Variants in CHD2 observed in about 807,000 individuals in gnomAD.
CHD2 encodes ATP-dependent chromatin remodeler CHD2.
Under a neutral mutation model 243.9 loss-of-function variants are expected in CHD2, and 28 were observed. The observed-to-expected ratio is 0.11, with a 90% CI of 0.09 to 0.16. The LOEUF is 0.16. CHD2 is among the 10% of genes least tolerant of loss of function. The pLI is 1.00. For missense variants in CHD2, 1,386 were observed against 2,209.8 expected (o/e 0.63, Z 7.47); for synonymous variants, 775 against 779.0 (o/e 0.99, Z 0.09).
At position 93,009,238 on chromosome 15, in the gene CHD2, C is replaced by G. The variant is rs764680752; in HGVS notation, c.4507C>G (p.Arg1503Gly). Residue 1503 changes from arginine (R) to glycine (G), a missense_variant, in exon 35 of 39, where the codon CGG (arginine) becomes GGG (glycine). By Grantham distance (125) the Arg-to-Gly change is moderately radical. Transcript: ENST00000394196. ...LNVQEQLEHT[R>G]NCLLKIGDRI... ...CGTGCAAGAACAGCTGGAACACACC[C>G]GGAACTGCCTGCTGAAAATCGGAGA... 1.2e-6 allele frequency: 2 copies of G among 1,614,064 alleles called. No homozygotes were observed. The highest frequency in any genetic ancestry group is 1.7e-5 in the Admixed American group (1 of 59,998).
At chr15:92,959,483 CTG>C (rs1004831142) in intron 16 of CHD2, among the ~76,000 whole-genome samples, 5 of 151,948 alleles carry the variant, frequency 3.3e-5, no homozygotes, top group Non-Finnish European at 7.4e-5. Context: ...TAGCTTTCGA[CTG>C]TTTTTTTATT....
chr15:92,949,317 T>G (rs2053520070), intron 13 of CHD2: 9 of 1,074,258 alleles, frequency 8.4e-6, no homozygotes, highest in Non-Finnish European at 1.1e-5. Context: ...TGGTGGGTAA[T>G]TTGTCATAGC....
chr15:92,989,877 C>T (rs17610452), intron 26 of CHD2, among the ~76,000 whole-genome samples: 13,032 of 152,206 alleles, frequency 0.086, 611 homozygotes, highest in Middle Eastern at 0.23. Flanking sequence ...CAGGAGCGTG[C>T]GGAAGGACCC....
intron 26 of CHD2, among the ~76,000 whole-genome samples, chr15:92,988,130 TGGG>T (rs1197309773): frequency 6.6e-6 from 1 of 152,044 alleles, no homozygotes; most frequent in Non-Finnish European, 1.5e-5. Context: ...TCACCAAGGC[TGGG>T]GTACAGTGGT....
intron 38 of CHD2, chr15:93,020,613 C>T: frequency 2.2e-6 from 1 of 453,016 alleles, no homozygotes; most frequent in Non-Finnish European, 3.9e-6. Flanking sequence ...GCCCACAGTC[C>T]TTACCTGCCA....
intron 32 of CHD2, 135 bp downstream of exon 32, chr15:93,000,775 T>G (rs1567159244): frequency 1.0e-6 from 1 of 976,136 alleles, no homozygotes; most frequent in Non-Finnish European, 1.5e-6. Context: ...AAGTCTTCGC[T>G]TAATCTGTCA....
At chr15:92,958,311 T>C (rs1037944806) in intron 16 of CHD2, among the ~76,000 whole-genome samples, 7 of 152,240 alleles carry the variant, frequency 4.6e-5, no homozygotes, top group African/African-American at 1.7e-4. Flanking sequence ...GGCGAATGTG[T>C]GTCATTGTGG....
At chr15:92,968,424 A>G (rs2053796065) in intron 17 of CHD2, among the ~76,000 whole-genome samples, 1 of 152,224 alleles carries the variant, frequency 6.6e-6, no homozygotes, top group Admixed American at 6.5e-5. Context: ...CTCATAAGTA[A>G]GTGTAAAGGC....
chr15:92,982,689 A>C (rs542877757), intron 24 of CHD2, among the ~76,000 whole-genome samples: 2 of 152,216 alleles, frequency 1.3e-5, no homozygotes, highest in African/African-American at 2.4e-5. Context: ...AATTAGGGGA[A>C]ATTGTGTGAA....
chr15:92,954,345 A>G (rs1013224718), intron 14 of CHD2: 2 of 152,240 alleles, frequency 1.3e-5, no homozygotes, highest in East Asian at 3.8e-4. Flanking sequence ...AGGTGTTTCT[A>G]TCTAGTCTAG....
rs1014333701 is a variant in CHD2, at chr15:93,025,511, C to T, written c.*806C>T. On this transcript the variant is annotated 3_prime_UTR_variant, in exon 39 of 39. Transcript: ENST00000394196. ...GTGAGTGAGGCAACACTGATGCCAG[C>T]ATGGGTCTTACTTGACTGGGGAGTA... 4 of 152,468 alleles carry T rather than the reference C, an allele frequency of 2.6e-5. No homozygotes were observed. Among genetic ancestry groups the T allele is most frequent in the Admixed American group, 2.6e-4 (4 of 15,268 alleles). 9.4% of individuals were successfully genotyped at this position (152,468 alleles called of 1,614,324 possible).
At chr15:93,020,281 C>G in intron 38 of CHD2, 23 bp downstream of exon 38, 1 of 1,613,914 alleles carries the variant, frequency 6.2e-7, no homozygotes, top group Non-Finnish European at 8.5e-7. Context: ...CTGTGAGACA[C>G]CAGGTGCCAA....
Position 92,967,352 on chromosome 15 carries a change from A to G in CHD2, c.2028A>G (p.Glu676=). 6.2e-7 allele frequency: 1 copy of G among 1,610,996 alleles called. No individual in the cohort carries two copies. The highest frequency in any genetic ancestry group is 8.5e-7 in the Non-Finnish European group (1 of 1,178,226). Residue 676 remains glutamate (E), a synonymous_variant, in exon 17 of 39, where the codon GAA becomes GAG. Coordinates refer to ENST00000394196, the MANE Select transcript of CHD2 (RefSeq NM_001271.4). ...TTGAATTTTGGGAAGATTTTGAAGA[A>G]GACCATGGGAAGGGGAGAGAAAATG... ...EKFEFWEDFE[E]DHGKGRENGY...
Position 93,014,767 on chromosome 15 carries a change from G to A in CHD2, c.4764G>A (p.Arg1588=), listed in dbSNP as rs762849098. ...PFRPEASGSS[R]DSLISQSHTS... ...GTCCAGAGGCCTCAGGCTCCAGCCG[G>A]GACTCTCTGATATCTCAGTCCCATA... The change falls in exon 37 of 39, where the codon CGG becomes CGA. Residue 1588 remains arginine, a synonymous_variant. Transcript: ENST00000394196. 9.9e-6 allele frequency: 16 copies of A among 1,613,958 alleles called. No individual in the cohort carries two copies. The South Asian group carries it at 1.8e-4, about 18-fold the overall frequency.
In CHD2 at chr15:92,953,472, G is replaced by A. The variant is rs1368222485; in HGVS notation, c.1618G>A (p.Val540Ile). Residue 540 changes from valine (V) to isoleucine (I), a missense_variant, in exon 14 of 39, where the codon GTC becomes ATC. Transcript: ENST00000394196. ...GCTGTATGGCCCCTTTCTTATAGTC[G>A]TCCCTTTATCCACCCTCACCTCATG... is the stretch of plus-strand genomic sequence containing the variant. ...HQLYGPFLIV[V>I]PLSTLTSWQR... 7.4e-6 allele frequency: 12 copies of A among 1,613,830 alleles called. No homozygotes were observed. The highest frequency in any genetic ancestry group is 3.3e-5 in the South Asian group (3 of 91,050).
chr15:92,960,918 A>G (rs1412634823), intron 16 of CHD2, among the ~76,000 whole-genome samples: 6 of 151,694 alleles, frequency 4.0e-5, no homozygotes, highest in Admixed American at 2.6e-4. Context: ...GGGTTTTGCC[A>G]TGTCAGCCAG....
intron 2 of CHD2, 172 bp from the exon 3 acceptor site, chr15:92,924,149 T>C (rs1319319867): frequency 3.6e-6 from 2 of 548,572 alleles, no homozygotes; most frequent in Non-Finnish European, 6.4e-6. Flanking sequence ...ATTTTGAGAA[T>C]GGTAGCAATA....
At chr15:92,960,764 G>C (rs1414418730) in intron 16 of CHD2, among the ~76,000 whole-genome samples, 1 of 133,362 alleles carries the variant, frequency 7.5e-6, no homozygotes, top group Non-Finnish European at 1.5e-5. Flanking sequence ...GCCCAGGCTA[G>C]AGTACAATGG....
intron 10 of CHD2, chr15:92,945,546 C>T (rs575113228): frequency 1.8e-4 from 33 of 181,938 alleles, no homozygotes; most frequent in Non-Finnish European, 2.6e-4. Context: ...CACCCCCCAC[C>T]CCCACCACGC....
Sources: gnomAD v4.1 joint callset for allele counts (sites outside exome capture counted in the v4.1 genomes callset) on GRCh38, gnomAD v4.1.1 for gene constraint, MANE v1.5 for transcripts, NCBI Gene and HGNC (gene_info 2026-07-23, HGNC 2026-07-21) for gene names.